AZIN1: variants seen among roughly 807,000 people sequenced by gnomAD.
AZIN1 encodes the protein ornithine decarboxylase antizyme inhibitor.
AZIN1 carries 12 observed loss-of-function variants against 47.4 expected under a neutral mutation model. The ratio of observed to expected loss-of-function variants is 0.25; its 90% CI spans 0.16 to 0.41. The LOEUF is 0.41. AZIN1 is among the 10% of genes least tolerant of loss of function. The pLI, the probability that AZIN1 is intolerant of heterozygous loss-of-function variation, is 1.00. For synonymous variants in AZIN1, 155 were observed against 176.3 expected, an observed-to-expected ratio of 0.88 and a Z score of 0.96; for missense variants, 410 against 532.4, an observed-to-expected ratio of 0.77 and a Z score of 2.26.
chr8:102,841,966 C>A (rs1196272832), intron 3 of AZIN1, among the ~76,000 whole-genome samples: 2 of 151,926 alleles, frequency 1.3e-5, no homozygotes, highest in Non-Finnish European at 2.9e-5. Flanking sequence ...CAAAAATCAG[C>A]TGGGCCTGGT....
chr8:102,851,904 T>C (rs1228486936), intron 2 of AZIN1, among the ~76,000 whole-genome samples: 1 of 152,182 alleles, frequency 6.6e-6, no homozygotes, highest in Non-Finnish European at 1.5e-5. Context: ...GCAGTTTAAG[T>C]AGCACTGATC....
At chr8:102,844,098 G>C (rs950927936) in intron 2 of AZIN1, among the ~76,000 whole-genome samples, 1 of 152,198 alleles carries the variant, frequency 6.6e-6, no homozygotes, top group East Asian at 1.9e-4. Flanking sequence ...TAAGAGTAAA[G>C]AAAGCTAGTG....
At chr8:102,833,913 G>A (rs1811645169) in intron 8 of AZIN1, among the ~76,000 whole-genome samples, 1 of 150,148 alleles carries the variant, frequency 6.7e-6, no homozygotes, top group Admixed American at 6.6e-5. Context: ...AAAAAAGGTA[G>A]TAGTGAAGTT....
At chr8:102,855,938 C>T (rs750424476) in intron 2 of AZIN1, 12 of 152,154 alleles carry the variant, frequency 7.9e-5, no homozygotes, top group Non-Finnish European at 1.5e-4. Flanking sequence ...AGTACACATA[C>T]TTTACATATG....
rs1026491594 is a variant in AZIN1, at chr8:102,827,747, A to G, written c.*820T>C. On this transcript the variant is annotated 3_prime_UTR_variant, in exon 12 of 12. Transcript: ENST00000337198. ...TATTACAGTTGATTTATGCAGGATTAACATTTTTGGTGTTAAAATTGTTAA... is the reference window on the plus strand; with the variant it reads ...TATTACAGTTGATTTATGCAGGATTGACATTTTTGGTGTTAAAATTGTTAA... The G allele has an allele frequency of 6.6e-6, 1 of 152,642 alleles. No individual in the cohort carries two copies. Among genetic ancestry groups the G allele is most frequent in the Non-Finnish European group, 1.5e-5 (1 of 68,020 alleles). 9.5% of individuals were successfully genotyped at this position (152,642 alleles called of 1,614,324 possible). A position where few individuals can be genotyped will look rare whatever the true frequency, so the allele number is the denominator to read the frequency against.
chr8:102,845,245 G>A (rs926622000), intron 2 of AZIN1, among the ~76,000 whole-genome samples: 2 of 151,792 alleles, frequency 1.3e-5, no homozygotes, highest in Non-Finnish European at 2.9e-5. Context: ...CAGCATTTTG[G>A]CTGCACCAAA....
chr8:102,836,234 A>G (rs768277818), intron 6 of AZIN1, 22 bp downstream of exon 6: 18 of 1,607,872 alleles, frequency 1.1e-5, no homozygotes, highest in Admixed American at 1.7e-5. Flanking sequence ...CACAGCTTTA[A>G]AAGTTTAAAA....
intron 2 of AZIN1, among the ~76,000 whole-genome samples, chr8:102,856,691 T>C (rs142615390): frequency 6.6e-5 from 10 of 152,334 alleles, no homozygotes; most frequent in South Asian, 4.1e-4. Flanking sequence ...CTTTAACAGA[T>C]TGCACCACCC....
intron 6 of AZIN1, 151 bp from the exon 7 acceptor site, chr8:102,834,898 A>G: frequency 1.7e-6 from 1 of 575,208 alleles, no homozygotes. Context: ...ATTAGCTTCT[A>G]ATTACCCAAA....
At chr8:102,840,144 T>C (rs1437652672) in intron 3 of AZIN1, among the ~76,000 whole-genome samples, 4 of 152,248 alleles carry the variant, frequency 2.6e-5, no homozygotes, top group African/African-American at 9.6e-5. Flanking sequence ...TTTTACTTTT[T>C]GGCAGTTGAA....
intron 11 of AZIN1, 121 bp from the exon 12 acceptor site, chr8:102,828,799 A>G (rs775787049): frequency 1.6e-5 from 10 of 632,844 alleles, no homozygotes; most frequent in Non-Finnish European, 2.7e-5. Context: ...AAAGATCATC[A>G]TTTTTCTATG....
chr8:102,834,289 A>G, intron 7 of AZIN1, 26 bp from the exon 8 acceptor site: 1 of 1,579,688 alleles, frequency 6.3e-7, no homozygotes, highest in East Asian at 2.2e-5. Flanking sequence ...AAAAATTTAA[A>G]TGTTTTTCCA....
intron 1 of AZIN1, 120 bp from the exon 2 acceptor site, chr8:102,858,270 A>G: frequency 2.5e-6 from 1 of 393,268 alleles, no homozygotes; most frequent in East Asian, 3.6e-5. Flanking sequence ...TTAAAGTCAC[A>G]TTACACAAGT....
intron 1 of AZIN1, among the ~76,000 whole-genome samples, chr8:102,862,263 CTATT>C (rs1185591446): frequency 1.3e-5 from 2 of 152,124 alleles, no homozygotes; most frequent in East Asian, 1.9e-4. Flanking sequence ...GTACTGAGCT[CTATT>C]TAATATGCAC....
chr8:102,830,824 A>C (rs1224989137), intron 9 of AZIN1, among the ~76,000 whole-genome samples: 1 of 152,212 alleles, frequency 6.6e-6, no homozygotes, highest in Non-Finnish European at 1.5e-5. Context: ...ACCAGAGCTC[A>C]CATGTATACA....
intron 3 of AZIN1, among the ~76,000 whole-genome samples, chr8:102,841,994 C>CT (rs1812225508): frequency 6.6e-6 from 1 of 151,932 alleles, no homozygotes; most frequent in Admixed American, 6.6e-5. Context: ...GCCTGTAATC[C>CT]CAGCTACTTG....
At chr8:102,860,207 T>C (rs1245063988) in intron 1 of AZIN1, among the ~76,000 whole-genome samples, 1 of 152,248 alleles carries the variant, frequency 6.6e-6, no homozygotes, top group Non-Finnish European at 1.5e-5. Flanking sequence ...CCTTAGAGAA[T>C]AGCACAGAGA....
intron 7 of AZIN1, 69 bp from the exon 8 acceptor site, chr8:102,834,332 C>G: frequency 7.5e-7 from 1 of 1,326,994 alleles, no homozygotes; most frequent in South Asian, 1.2e-5. Flanking sequence ...TTTTAAAAAC[C>G]CCCTCCTAGG....
chr8:102,829,512 T>C, intron 10 of AZIN1, 26 bp from the exon 11 acceptor site: 1 of 1,559,408 alleles, frequency 6.4e-7, no homozygotes, highest in African/African-American at 1.4e-5. Flanking sequence ...TACAATTTAA[T>C]TTTTACTCAT....
Sources: allele counts gnomAD v4.1 joint callset (sites outside exome capture counted in the v4.1 genomes callset), GRCh38; gene constraint gnomAD v4.1.1; transcripts MANE v1.5; gene names NCBI Gene and HGNC (gene_info 2026-07-23, HGNC 2026-07-21).